FGGY: variants seen among roughly 807,000 people sequenced by gnomAD.
The protein encoded by FGGY is FGGY carbohydrate kinase domain-containing protein.
A neutral mutation model predicts 71.3 loss-of-function variants in FGGY; 72 were observed. The ratio of observed to expected loss-of-function variants is 1.01; its 90% CI spans 0.84 to 1.23. The LOEUF (loss-of-function observed/expected upper bound fraction) is 1.23, where lower values mean the gene tolerates loss of function less well. FGGY is among the 50% of genes most tolerant of loss of function. The probability of loss-of-function intolerance (pLI) is 0.00; values close to 1 mark genes in which losing one functional copy is unlikely to be tolerated. For missense variants in FGGY, 668 were observed against 682.3 expected (o/e 0.98, Z 0.23); for synonymous variants, 251 against 250.3 (o/e 1.00, Z -0.02).
chr1:59,542,390 G>T (rs2095454127), intron 7 of FGGY, among the ~76,000 whole-genome samples: 1 of 150,834 alleles, frequency 6.6e-6, no homozygotes, highest in African/African-American at 2.4e-5. Flanking sequence ...ATTAATCAGG[G>T]CTGAACGTGT....
At chr1:59,404,733 G>C (rs903345764) in intron 5 of FGGY, among the ~76,000 whole-genome samples, 1 of 152,294 alleles carries the variant, frequency 6.6e-6, no homozygotes, top group Middle Eastern at 3.4e-3. Flanking sequence ...GAAGCTTCTG[G>C]TAAGGTAGGC....
chr1:59,744,283 C>A (rs937224554), intron 14 of FGGY, among the ~76,000 whole-genome samples: 2 of 152,328 alleles, frequency 1.3e-5, no homozygotes, highest in East Asian at 3.9e-4. Flanking sequence ...TGCAGTGGCA[C>A]GATCTCGGCT....
At chr1:59,711,591 A>G (rs2097794715) in intron 14 of FGGY, among the ~76,000 whole-genome samples, 1 of 152,230 alleles carries the variant, frequency 6.6e-6, no homozygotes, top group Non-Finnish European at 1.5e-5. Flanking sequence ...AGATTGGGCA[A>G]TTTACAAAAG....
At position 59,359,360 on chromosome 1, in the gene FGGY, G is replaced by T. The variant is rs151255424; in HGVS notation, c.465+12962G>T. Among the ~76,000 whole-genome samples, 369 of 152,266 alleles carry T rather than the reference G, an allele frequency of 2.4e-3. 4 individuals are homozygous for T. Among genetic ancestry groups the T allele is most frequent in the African/African-American group, 8.6e-3 (358 of 41,548 alleles). Reference sequence around the variant, plus strand: ...GTTATTAAAAGTTTAGCTGTTCAAAGTTAGACTCAAAATGAAAGAATCATA... The same window carrying T: ...GTTATTAAAAGTTTAGCTGTTCAAATTTAGACTCAAAATGAAAGAATCATA... On this transcript the variant is annotated intron_variant, in intron 4 of 15. Coordinates refer to ENST00000303721, the MANE Select transcript of FGGY (RefSeq NM_018291.5).
intron 6 of FGGY, among the ~76,000 whole-genome samples, chr1:59,503,648 A>G (rs552666222): frequency 8.4e-4 from 124 of 146,922 alleles, no homozygotes; most frequent in African/African-American, 3.0e-3. Context: ...TAATATATAT[A>G]CATGATATAG....
chr1:59,668,692 C>T (rs2097347167), intron 13 of FGGY, among the ~76,000 whole-genome samples: 1 of 152,104 alleles, frequency 6.6e-6, no homozygotes, highest in Admixed American at 6.6e-5. Context: ...GTAAGAAAAG[C>T]ATACAGTCAG....
chr1:59,302,230 T>C (rs1207368458), intron 1 of FGGY, among the ~76,000 whole-genome samples: 1 of 152,198 alleles, frequency 6.6e-6, no homozygotes, highest in Non-Finnish European at 1.5e-5. Flanking sequence ...GATATTGATC[T>C]ATAGTTTTCT....
chr1:59,533,145 G>T (rs1375847076), intron 7 of FGGY, among the ~76,000 whole-genome samples: 1 of 152,210 alleles, frequency 6.6e-6, no homozygotes. Context: ...GACAGTGGGT[G>T]CCGCGCACCA....
At chr1:59,420,559 T>C (rs542129945) in intron 5 of FGGY, among the ~76,000 whole-genome samples, 11 of 152,286 alleles carry the variant, frequency 7.2e-5, no homozygotes, top group Non-Finnish European at 1.3e-4. Context: ...GTGAGTCCAG[T>C]GTACTTAAAC....
intron 5 of FGGY, among the ~76,000 whole-genome samples, chr1:59,454,314 C>A (rs113100690): frequency 3.3e-5 from 5 of 152,244 alleles, no homozygotes; most frequent in African/African-American, 1.2e-4. Context: ...AGCTATCGTA[C>A]CTCCCCAAAA....
At chr1:59,692,326 A>G (rs542899691) in intron 14 of FGGY, among the ~76,000 whole-genome samples, 1 of 152,318 alleles carries the variant, frequency 6.6e-6, no homozygotes, top group East Asian at 1.9e-4. Flanking sequence ...TGGTGCTGAC[A>G]TCTTTGTATT....
chr1:59,407,559 A>G (rs1026252409), intron 5 of FGGY, among the ~76,000 whole-genome samples: 3 of 150,538 alleles, frequency 2.0e-5, no homozygotes, highest in African/African-American at 7.4e-5. Flanking sequence ...GGGGAGAGAG[A>G]AAAAAAAATA....
At chr1:59,403,408 A>G (rs1333047066) in intron 5 of FGGY, among the ~76,000 whole-genome samples, 1 of 152,198 alleles carries the variant, frequency 6.6e-6, no homozygotes, top group Non-Finnish European at 1.5e-5. Flanking sequence ...CTGAGCAGAA[A>G]GCAGACTCCT....
intron 5 of FGGY, among the ~76,000 whole-genome samples, chr1:59,402,031 C>T (rs993085350): frequency 6.6e-6 from 1 of 152,228 alleles, no homozygotes; most frequent in Non-Finnish European, 1.5e-5. Flanking sequence ...TTACCTCCCA[C>T]TAGGCTATAA....
intron 5 of FGGY, among the ~76,000 whole-genome samples, chr1:59,418,122 G>C (rs902024791): frequency 6.6e-6 from 1 of 152,214 alleles, no homozygotes; most frequent in East Asian, 1.9e-4. Context: ...CAGAAAAGGA[G>C]GTTATGCAGA....
chr1:59,707,968 C>CT (rs1057062008), intron 14 of FGGY, among the ~76,000 whole-genome samples: 2 of 152,176 alleles, frequency 1.3e-5, no homozygotes, highest in African/African-American at 2.4e-5. Context: ...CTAGAAGGGA[C>CT]TTTAACAAGT....
intron 9 of FGGY, among the ~76,000 whole-genome samples, chr1:59,614,181 C>T (rs180724148): frequency 1.3e-5 from 2 of 152,252 alleles, no homozygotes; most frequent in East Asian, 3.9e-4. Context: ...CAAAGCCTGG[C>T]AGAGACACAA....
chr1:59,353,078 C>G (rs1323916515), intron 4 of FGGY, among the ~76,000 whole-genome samples: 1 of 152,110 alleles, frequency 6.6e-6, no homozygotes, highest in Non-Finnish European at 1.5e-5. Context: ...GGATTTGGAG[C>G]CAAACTTGCA....
chr1:59,661,580 A>G (rs1171078451), intron 12 of FGGY, among the ~76,000 whole-genome samples: 1 of 152,236 alleles, frequency 6.6e-6, no homozygotes, highest in African/African-American at 2.4e-5. Context: ...ATGAACAGTA[A>G]GATGAAAATA....
Sources: allele counts gnomAD v4.1 joint callset (sites outside exome capture counted in the v4.1 genomes callset), GRCh38; gene constraint gnomAD v4.1.1; transcripts MANE v1.5; gene names NCBI Gene and HGNC (gene_info 2026-07-23, HGNC 2026-07-21).